PTPN9: variants seen among roughly 807,000 people sequenced by gnomAD.
The protein encoded by PTPN9 is tyrosine-protein phosphatase non-receptor type 9.
PTPN9 carries 26 observed loss-of-function variants against 69.8 expected under a neutral mutation model. That is an observed-to-expected ratio of 0.37 (90% CI 0.27 to 0.52). The LOEUF (loss-of-function observed/expected upper bound fraction) is 0.52, where lower values mean the gene tolerates loss of function less well. PTPN9 is among the 20% of genes least tolerant of loss of function. PTPN9 has a pLI of 0.91. For missense variants in PTPN9, 549 were observed against 740.3 expected (o/e 0.74, Z 3.00); for synonymous variants, 274 against 272.5 (o/e 1.01, Z -0.05).
chr15:75,576,802 T>C (rs1203363345), intron 1 of PTPN9, among the ~76,000 whole-genome samples: 2 of 151,960 alleles, frequency 1.3e-5, no homozygotes, highest in Non-Finnish European at 2.9e-5. Flanking sequence ...GGCGAGGCTC[T>C]GTCTCAAAAA....
chr15:75,530,675 T>C lies in PTPN9; in HGVS notation c.64-3414A>G, dbSNP rs536377017. Among the ~76,000 whole-genome samples the C allele has an allele frequency of 9.6e-3, 471 of 49,280 alleles. 110 individuals carry two copies. The highest frequency in any genetic ancestry group is 0.059 in the African/African-American group (446 of 7,524). 32.3% of individuals were successfully genotyped at this position (49,280 alleles called of 152,430 possible). ...TATTATTATATAATATACTATTATA[T>C]ATATTATTATATTATAATATATATA... On this transcript the variant is annotated intron_variant, in intron 1 of 12. Coordinates refer to ENST00000618819, the MANE Select transcript of PTPN9 (RefSeq NM_002833.4).
At chr15:75,536,986 A>G (rs983870080) in intron 1 of PTPN9, among the ~76,000 whole-genome samples, 5 of 152,166 alleles carry the variant, frequency 3.3e-5, no homozygotes, top group Admixed American at 2.0e-4. Flanking sequence ...TGAAGTCTCA[A>G]TATTATTAAC....
intron 8 of PTPN9, among the ~76,000 whole-genome samples, chr15:75,489,545 CTG>C (rs1749410644): frequency 6.6e-6 from 1 of 151,898 alleles, no homozygotes; most frequent in Admixed American, 6.6e-5. Context: ...GCTGTGATCA[CTG>C]TACCTAGCCT....
chr15:75,487,238 A>G (rs1475469030), intron 8 of PTPN9: 3 of 152,070 alleles, frequency 2.0e-5, no homozygotes, highest in Non-Finnish European at 4.4e-5. Context: ...AAATAGCCCC[A>G]TAGGTGGAAA....
At chr15:75,480,401 G>A (rs1220626572) in intron 8 of PTPN9, among the ~76,000 whole-genome samples, 1 of 152,084 alleles carries the variant, frequency 6.6e-6, no homozygotes, top group Admixed American at 6.5e-5. Flanking sequence ...TCAGGAGATC[G>A]AGACCATCCT....
intron 7 of PTPN9, among the ~76,000 whole-genome samples, chr15:75,494,048 T>C (rs2074725815): frequency 1.3e-5 from 2 of 151,256 alleles, no homozygotes; most frequent in Admixed American, 6.6e-5. Flanking sequence ...TTTGACAGCG[T>C]TGAGTACTTG....
In PTPN9 at chr15:75,569,345, C is replaced by A. The variant is rs569907210; in HGVS notation, c.63+9369G>T. ...TATGTCTTTTCCAAGACAATAAAGG[C>A]ATAAAAGTCAGAAAATGAAACTAAA... On this transcript the variant is annotated intron_variant, in intron 1 of 12. Coordinates refer to ENST00000618819, the MANE Select transcript of PTPN9 (RefSeq NM_002833.4). Among the ~76,000 whole-genome samples, 45 of 152,210 alleles carry A rather than the reference C, an allele frequency of 3.0e-4. 2 individuals carry two copies. In the South Asian group the frequency reaches 9.3e-3, roughly 32 times the overall value.
intron 9 of PTPN9, among the ~76,000 whole-genome samples, chr15:75,478,135 G>C (rs1294173437): frequency 6.6e-6 from 1 of 150,714 alleles, no homozygotes; most frequent in Non-Finnish European, 1.5e-5. Flanking sequence ...CACCACGCCT[G>C]GCCGATCCTC....
intron 6 of PTPN9, among the ~76,000 whole-genome samples, chr15:75,507,165 C>T (rs1024636357): frequency 6.6e-6 from 1 of 152,176 alleles, no homozygotes; most frequent in Admixed American, 6.5e-5. Context: ...ATCTCTCCAG[C>T]TGGCACGGTG....
At chr15:75,577,282 A>G (rs1181373444) in intron 1 of PTPN9, among the ~76,000 whole-genome samples, 3 of 152,238 alleles carry the variant, frequency 2.0e-5, no homozygotes, top group Non-Finnish European at 4.4e-5. Flanking sequence ...CAGAAATCTG[A>G]CTGACCCAAG....
chr15:75,497,391 C>T (rs980255231), intron 7 of PTPN9, among the ~76,000 whole-genome samples: 1 of 152,072 alleles, frequency 6.6e-6, no homozygotes, highest in African/African-American at 2.4e-5. Flanking sequence ...ACTAGGAAGG[C>T]TAAGGCAAGA....
intron 1 of PTPN9, among the ~76,000 whole-genome samples, chr15:75,558,021 C>G (rs1388402570): frequency 6.6e-6 from 1 of 151,982 alleles, no homozygotes; most frequent in African/African-American, 2.4e-5. Flanking sequence ...ATGCCAAAAC[C>G]TCATCTGTAC....
At chr15:75,501,599 G>A (rs1003679490) in intron 7 of PTPN9, among the ~76,000 whole-genome samples, 1 of 151,898 alleles carries the variant, frequency 6.6e-6, no homozygotes, top group African/African-American at 2.4e-5. Context: ...CAACAGGAGT[G>A]TGCCACCATG....
At chr15:75,474,371 T>G (rs1350055468) in intron 9 of PTPN9, among the ~76,000 whole-genome samples, 1 of 151,972 alleles carries the variant, frequency 6.6e-6, no homozygotes, top group African/African-American at 2.4e-5. Context: ...ATACAAAAAT[T>G]AGCCAGGTGT....
chr15:75,576,424 C>G (rs889717835), intron 1 of PTPN9, among the ~76,000 whole-genome samples: 5 of 149,166 alleles, frequency 3.4e-5, no homozygotes, highest in African/African-American at 1.2e-4. Flanking sequence ...CCCAGATACT[C>G]AGGAGGCTGA....
chr15:75,571,964 T>C (rs1287857689), intron 1 of PTPN9, among the ~76,000 whole-genome samples: 1 of 152,158 alleles, frequency 6.6e-6, no homozygotes, highest in African/African-American at 2.4e-5. Flanking sequence ...CAATCATCAC[T>C]GGGATATCCA....
intron 5 of PTPN9, among the ~76,000 whole-genome samples, chr15:75,510,570 T>C (rs933975081): frequency 2.6e-5 from 4 of 152,208 alleles, no homozygotes; most frequent in Non-Finnish European, 5.9e-5. Flanking sequence ...GTTAAATGTA[T>C]TACTGTTTTC....
chr15:75,488,297 A>G (rs2074690006), intron 8 of PTPN9, among the ~76,000 whole-genome samples: 1 of 152,060 alleles, frequency 6.6e-6, no homozygotes, highest in Non-Finnish European at 1.5e-5. Context: ...AAATAAATAA[A>G]TAAAAATAAA....
rs1001506307 is a variant in PTPN9, at chr15:75,464,912, C to G, written c.*3857G>C. On this transcript the variant is annotated 3_prime_UTR_variant, in exon 13 of 13. Coordinates refer to ENST00000618819, the MANE Select transcript of PTPN9 (RefSeq NM_002833.4). ...TGGGGCACCCTTCGTCTCAGGAGTC[C>G]CATCCTAGCCAATGAGGATGGGCAA... 2 of 152,020 alleles carry G rather than the reference C, an allele frequency of 1.3e-5. No homozygotes were observed. The highest frequency in any genetic ancestry group is 4.8e-5 in the African/African-American group (2 of 41,386). The allele number at this position is 152,020 out of a possible 1,614,324, so 9.4% of individuals were successfully genotyped here.
Sources: allele counts gnomAD v4.1 joint callset (sites outside exome capture counted in the v4.1 genomes callset), GRCh38; gene constraint gnomAD v4.1.1; transcripts MANE v1.5; gene names NCBI Gene and HGNC (gene_info 2026-07-23, HGNC 2026-07-21).